NDUFAF6: variants seen among roughly 807,000 people sequenced by gnomAD.
The protein encoded by NDUFAF6 is NADH:ubiquinone oxidoreductase complex assembly factor 6.
Under a neutral mutation model 40.8 loss-of-function variants are expected in NDUFAF6, and 45 were observed. The observed-to-expected ratio is 1.10, with a 90% CI of 0.87 to 1.42. NDUFAF6 has a LOEUF of 1.42. NDUFAF6 is among the 40% of genes most tolerant of loss of function. NDUFAF6 has a pLI of 0.00. For missense variants in NDUFAF6, 435 were observed against 418.5 expected, an observed-to-expected ratio of 1.04 and a Z score of -0.34; for synonymous variants, 185 against 155.9, an observed-to-expected ratio of 1.19 and a Z score of -1.39.
chr8:95,045,690 T>C, intron 5 of NDUFAF6, 43 bp downstream of exon 5: 2 of 1,477,444 alleles, frequency 1.4e-6, no homozygotes, highest in Non-Finnish European at 1.9e-6. Flanking sequence ...TCCAATAAAA[T>C]ACCTATGAGA....
At chr8:94,989,745 G>T (rs185382733) in intron 2 of NDUFAF6, among the ~76,000 whole-genome samples, 1 of 152,074 alleles carries the variant, frequency 6.6e-6, no homozygotes, top group East Asian at 1.9e-4. Flanking sequence ...TCTCTTTCAC[G>T]TGTTGCACAT....
At chr8:95,025,974 TC>T in intron 1 of NDUFAF6, among the ~76,000 whole-genome samples, 1 of 152,306 alleles carries the variant, frequency 6.6e-6, no homozygotes, top group Middle Eastern at 3.4e-3. Flanking sequence ...CCTCTGCCCT[TC>T]TGCTATGTCT....
upstream of NDUFAF6, among the ~76,000 whole-genome samples, chr8:94,954,170 C>G (rs1028564604): frequency 6.6e-6 from 1 of 152,164 alleles, no homozygotes. Context: ...TCAAGAGATT[C>G]TCCTGCCTCA....
chr8:94,912,644 A>AT lies in NDUFAF6; in HGVS notation c.-936+16717_-936+16718insT, dbSNP rs1028100921. Among the ~76,000 whole-genome samples the AT allele has an allele frequency of 2.6e-5, 4 of 151,788 alleles. No individual in the cohort carries two copies. In the Middle Eastern group the frequency reaches 0.01, roughly 387 times the overall value. ...ACCCTGTCTCTACTAAAAAAAAAAA[A>AT]GAAAGAAAAATACAAAAAATTAGCT... On this transcript the variant is annotated intron_variant, in intron 1 of 14. Coordinates refer to the NDUFAF6 transcript ENST00000396113.
At chr8:95,031,290 T>C (rs932331480) in intron 1 of NDUFAF6, among the ~76,000 whole-genome samples, 1 of 152,242 alleles carries the variant, frequency 6.6e-6, no homozygotes, top group Non-Finnish European at 1.5e-5. Context: ...AGGAAACGTA[T>C]GTGTGCACAC....
chr8:94,910,775 A>G (rs1818729142), intron 1 of NDUFAF6, among the ~76,000 whole-genome samples: 1 of 152,244 alleles, frequency 6.6e-6, no homozygotes, highest in African/African-American at 2.4e-5. Flanking sequence ...TTTTAAGAAT[A>G]TATGTTCAAG....
chr8:95,102,908 A>T (rs1809697350), intron 2 of NDUFAF6: 1 of 152,214 alleles, frequency 6.6e-6, no homozygotes, highest in Admixed American at 6.5e-5. Flanking sequence ...ATGAAGGGTA[A>T]ATATGGAGCT....
intron 1 of NDUFAF6, among the ~76,000 whole-genome samples, chr8:94,901,100 T>C (rs1586586804): frequency 6.6e-6 from 1 of 152,036 alleles, no homozygotes; most frequent in African/African-American, 2.4e-5. Flanking sequence ...CAGAGAACTA[T>C]GAAGAGAGAA....
At chr8:95,094,707 G>A (rs552962275) in intron 2 of NDUFAF6, among the ~76,000 whole-genome samples, 1 of 149,128 alleles carries the variant, frequency 6.7e-6, no homozygotes, top group Non-Finnish European at 1.5e-5. Flanking sequence ...GGGCCTCTGC[G>A]TCTGGCCTCT....
chr8:94,901,030 A>G (rs1394081815), intron 1 of NDUFAF6, among the ~76,000 whole-genome samples: 1 of 152,172 alleles, frequency 6.6e-6, no homozygotes, highest in Non-Finnish European at 1.5e-5. Context: ...AGAGCAGGGT[A>G]AGAGAACAGG....
intron 1 of NDUFAF6, among the ~76,000 whole-genome samples, chr8:94,900,391 G>C (rs1440828456): frequency 6.6e-6 from 1 of 152,160 alleles, no homozygotes; most frequent in African/African-American, 2.4e-5. Flanking sequence ...GAGCTCTGAG[G>C]ACACCAGAGG....
chr8:94,946,696 C>CAAAAA lies in NDUFAF6; in HGVS notation c.-799+1097_-799+1101dup, dbSNP rs71273438. Among the ~76,000 whole-genome samples the CAAAAA allele has an allele frequency of 3.3e-3, 115 of 34,632 alleles. 7 individuals are homozygous for CAAAAA. Among genetic ancestry groups the CAAAAA allele is most frequent in the South Asian group, 0.012 (5 of 434 alleles). 22.7% of individuals were successfully genotyped at this position (34,632 alleles called of 152,430 possible). On this transcript the variant is annotated intron_variant, in intron 2 of 14. Coordinates refer to the NDUFAF6 transcript ENST00000396113. ...TGGTCAACAGAGTAAGACCCTGTCT[C>CAAAAA]AAAAAAAAAAAAAAAAAAAAAAAAG...
chr8:94,977,012 G>A lies in NDUFAF6; in HGVS notation c.-198-3847G>A, dbSNP rs147463885. On this transcript the variant is annotated intron_variant, in intron 1 of 9. Coordinates refer to the NDUFAF6 transcript ENST00000396111. Reference sequence around the variant, plus strand: ...CAAAAAATACAAAAATTAGCCAAGCGTGGTGGCACACACCTGTGGTCCCAC... The same window carrying A: ...CAAAAAATACAAAAATTAGCCAAGCATGGTGGCACACACCTGTGGTCCCAC... Among the ~76,000 whole-genome samples, 43 of 151,774 alleles carry A rather than the reference G, an allele frequency of 2.8e-4. 1 individual carries two copies. Among genetic ancestry groups the A allele is most frequent in the African/African-American group, 9.7e-4 (40 of 41,382 alleles).
chr8:94,992,282 T>A (rs373778687), intron 2 of NDUFAF6, among the ~76,000 whole-genome samples: 3 of 151,972 alleles, frequency 2.0e-5, no homozygotes, highest in Admixed American at 6.6e-5. Context: ...GAGGTCAGAG[T>A]TTGAGACCAG....
rs564028133 is a variant in NDUFAF6 at position 95,055,161 on chromosome 8, G to A, written c.874-2648G>A. 6 of 152,074 alleles carry A rather than the reference G, an allele frequency of 3.9e-5. No individual in the cohort carries two copies. The South Asian group carries it at 6.2e-4, about 16-fold the overall frequency. 9.4% of individuals were successfully genotyped at this position (152,074 alleles called of 1,614,324 possible). The stretch of plus-strand genomic sequence containing the variant: ...CTAATCCTAAAAGCAATACATTTTC[G>A]TAGTAAAGATTTGGACAATATAAAC... On this transcript the variant is annotated intron_variant, in intron 8 of 8. Coordinates refer to ENST00000396124, the MANE Select transcript of NDUFAF6 (RefSeq NM_152416.4).
exon 1 of NDUFAF6, chr8:95,100,488 A>C (rs902519927): frequency 6.6e-6 from 1 of 152,166 alleles, no homozygotes; most frequent in African/African-American, 2.4e-5. Context: ...CTGCTTCCTG[A>C]ATATATTATG....
At chr8:95,100,232 A>T (rs1809609121), upstream of NDUFAF6, among the ~76,000 whole-genome samples, 1 of 150,238 alleles carries the variant, frequency 6.7e-6, no homozygotes. Flanking sequence ...TTTAAAAGTG[A>T]TTTCCTCCTC....
At chr8:94,940,183 T>C (rs548441545) in intron 1 of NDUFAF6, 24 of 1,566,348 alleles carry the variant, frequency 1.5e-5, no homozygotes, top group South Asian at 4.6e-5. Flanking sequence ...TGTCCTCCTC[T>C]TCTTCTTCTT....
intron 2 of NDUFAF6, among the ~76,000 whole-genome samples, chr8:95,015,065 G>A (rs1827382691): frequency 6.6e-6 from 1 of 152,204 alleles, no homozygotes; most frequent in Non-Finnish European, 1.5e-5. Flanking sequence ...GTCTACTACA[G>A]TGGAAAGAGA....
Sources: allele counts gnomAD v4.1 joint callset (sites outside exome capture counted in the v4.1 genomes callset), GRCh38; gene constraint gnomAD v4.1.1; transcripts MANE v1.5; gene names NCBI Gene and HGNC (gene_info 2026-07-23, HGNC 2026-07-21).